Variants in LINGO2 observed in about 807,000 individuals in gnomAD.
LINGO2 encodes the protein leucine-rich repeat and immunoglobulin-like domain-containing nogo receptor-interacting protein 2.
In LINGO2, 14 loss-of-function variants were observed where a neutral mutation model predicts 30.6. The observed-to-expected ratio is 0.46, with a 90% CI of 0.30 to 0.72. LINGO2 has a LOEUF of 0.72. LINGO2 is among the 30% of genes least tolerant of loss of function. LINGO2 has a pLI of 0.07. For synonymous variants in LINGO2, 317 were observed against 288.5 expected (o/e 1.10, Z -1.00); for missense variants, 729 against 751.7 (o/e 0.97, Z 0.35).
intron 2 of LINGO2, among the ~76,000 whole-genome samples, chr9:28,382,555 G>C (rs964200757): frequency 6.6e-6 from 1 of 152,052 alleles, no homozygotes; most frequent in Non-Finnish European, 1.5e-5. Flanking sequence ...GCAGTATTTA[G>C]AGCAAAGCCT....
At chr9:28,547,755 G>A (rs1209067837) in intron 1 of LINGO2, among the ~76,000 whole-genome samples, 1 of 151,994 alleles carries the variant, frequency 6.6e-6, no homozygotes, top group Non-Finnish European at 1.5e-5. Flanking sequence ...TGGGCTTAGT[G>A]CCCATTAAGA....
chr9:28,134,809 T>C (rs762509908), intron 4 of LINGO2, among the ~76,000 whole-genome samples: 12 of 152,214 alleles, frequency 7.9e-5, no homozygotes, highest in Middle Eastern at 3.2e-3. Flanking sequence ...AACAGAGCCG[T>C]TTCCGTTTAT....
chr9:28,791,011 A>C, the LINGO2 span, among the ~76,000 whole-genome samples: 1 of 152,292 alleles, frequency 6.6e-6, no homozygotes, highest in African/African-American at 2.4e-5. Context: ...CAGTTTCCAA[A>C]GTTTTTTTAA....
intron 1 of LINGO2, among the ~76,000 whole-genome samples, chr9:28,550,824 T>C (rs1018136319): frequency 5.3e-5 from 8 of 151,864 alleles, no homozygotes; most frequent in Non-Finnish European, 8.8e-5. Flanking sequence ...GAAATACATA[T>C]AGCATGATAT....
the LINGO2 span, among the ~76,000 whole-genome samples, chr9:28,758,620 C>T: frequency 6.6e-6 from 1 of 152,042 alleles, no homozygotes; most frequent in Non-Finnish European, 1.5e-5. Context: ...CTGTTAATAT[C>T]CTGGCTGCCT....
chr9:28,013,623 CTT>C lies in LINGO2; in HGVS notation c.-86-1220_-86-1219del, dbSNP rs1587689565. Among the ~76,000 whole-genome samples, 3 of 152,280 alleles carry C rather than the reference CTT, an allele frequency of 2.0e-5. No individual in the cohort carries two copies. The East Asian group carries it at 5.8e-4, about 29-fold the overall frequency. Reference sequence around the variant, plus strand: ...AAGAAGCTGATAGTAAGTAGCTCTACTTTTAGTTTCTTATTGTCTACAATGGC... The same window carrying C: ...AAGAAGCTGATAGTAAGTAGCTCTACTTAGTTTCTTATTGTCTACAATGGC... On this transcript the variant is annotated intron_variant, in intron 4 of 5. Coordinates refer to ENST00000379992, the Ensembl canonical transcript of LINGO2.
chr9:28,015,075 A>T (rs1822759202), intron 4 of LINGO2, among the ~76,000 whole-genome samples: 1 of 151,800 alleles, frequency 6.6e-6, no homozygotes, highest in Non-Finnish European at 1.5e-5. Context: ...CTCAAATTGA[A>T]TGTCAAGAGA....
At chr9:28,802,299 C>T in the LINGO2 span, among the ~76,000 whole-genome samples, 2 of 151,748 alleles carry the variant, frequency 1.3e-5, no homozygotes. Context: ...CTAGACAGTT[C>T]CAACAGTCAC....
At chr9:28,026,139 T>C (rs1312778586) in intron 4 of LINGO2, among the ~76,000 whole-genome samples, 2 of 152,216 alleles carry the variant, frequency 1.3e-5, no homozygotes, top group African/African-American at 2.4e-5. Context: ...TCATCCTAAA[T>C]AATACTTCTC....
At chr9:28,692,519 T>C in the LINGO2 span, among the ~76,000 whole-genome samples, 13 of 152,132 alleles carry the variant, frequency 8.5e-5, no homozygotes, top group African/African-American at 2.9e-4. Flanking sequence ...ATTTCTTTCA[T>C]ATTTCCATGT....
chr9:28,449,717 G>A (rs528860860), intron 2 of LINGO2, among the ~76,000 whole-genome samples: 2 of 152,044 alleles, frequency 1.3e-5, no homozygotes, highest in Admixed American at 1.3e-4. Flanking sequence ...TGTTTCGACT[G>A]CCATTTCTTA....
intron 5 of LINGO2, among the ~76,000 whole-genome samples, chr9:27,993,405 T>A (rs1295439042): frequency 6.6e-6 from 1 of 151,716 alleles, no homozygotes; most frequent in African/African-American, 2.4e-5. Flanking sequence ...GGGCATGGTG[T>A]CTCATGCCTG....
At chr9:28,119,964 C>A (rs1354608694) in intron 4 of LINGO2, among the ~76,000 whole-genome samples, 1 of 152,120 alleles carries the variant, frequency 6.6e-6, no homozygotes, top group Non-Finnish European at 1.5e-5. Context: ...TCTTTATTCC[C>A]AACATACCTA....
chr9:28,985,367 T>C, the LINGO2 span, among the ~76,000 whole-genome samples: 5 of 152,098 alleles, frequency 3.3e-5, no homozygotes, highest in African/African-American at 9.7e-5. Context: ...TTCAAATCTT[T>C]TGGGCAAACA....
chr9:28,778,860 AT>A, the LINGO2 span, among the ~76,000 whole-genome samples: 1 of 152,216 alleles, frequency 6.6e-6, no homozygotes, highest in Non-Finnish European at 1.5e-5. Flanking sequence ...AAAAAGTTAC[AT>A]TTAAAAACAG....
chr9:28,556,150 A>G (rs1822672657), intron 1 of LINGO2, among the ~76,000 whole-genome samples: 1 of 152,042 alleles, frequency 6.6e-6, no homozygotes, highest in Non-Finnish European at 1.5e-5. Flanking sequence ...GGCCAGGGCA[A>G]TTAGGCAGGA....
the LINGO2 span, among the ~76,000 whole-genome samples, chr9:28,940,973 C>T: frequency 6.7e-6 from 1 of 149,216 alleles, no homozygotes; most frequent in African/African-American, 2.5e-5. Context: ...AAAAGGAACA[C>T]TCATATTTAT....
the LINGO2 span, among the ~76,000 whole-genome samples, chr9:28,749,333 C>T: frequency 6.6e-6 from 1 of 152,016 alleles, no homozygotes; most frequent in Admixed American, 6.6e-5. Flanking sequence ...CCTATTCCCC[C>T]ATGCCTTCTT....
Position 28,070,233 on chromosome 9 carries a change from T to C in LINGO2, c.-86-57828A>G, listed in dbSNP as rs535093410. ...ATTCCTCACTTCCTCAACCCTAGTC[T>C]ATTAGTTTACCAGAAAACAAGTCAT... is the stretch of plus-strand genomic sequence containing the variant. On this transcript the variant is annotated intron_variant, in intron 4 of 5. Transcript: ENST00000379992. Among the ~76,000 whole-genome samples, 16 of 152,270 alleles carry C rather than the reference T, an allele frequency of 1.1e-4. No individual in the cohort carries two copies. The South Asian group carries it at 3.3e-3, about 32-fold the overall frequency.
Sources: allele counts gnomAD v4.1 joint callset (sites outside exome capture counted in the v4.1 genomes callset), GRCh38; gene constraint gnomAD v4.1.1; transcripts MANE v1.5; gene names NCBI Gene and HGNC (gene_info 2026-07-23, HGNC 2026-07-21).